The following CDK18 variants were observed in gnomAD, a reference collection of about 807,000 sequenced individuals.
The protein encoded by CDK18 is cyclin-dependent kinase 18.
Under a neutral mutation model 62.0 loss-of-function variants are expected in CDK18, and 52 were observed. The observed-to-expected ratio is 0.84, with a 90% CI of 0.67 to 1.06. CDK18 has a LOEUF of 1.06. Ranked by LOEUF, CDK18 falls within the 50% of genes least tolerant of loss-of-function variation. The pLI is 0.00. For missense variants in CDK18, 604 were observed against 619.9 expected, an observed-to-expected ratio of 0.97 and a Z score of 0.27; for synonymous variants, 237 against 247.0, an observed-to-expected ratio of 0.96 and a Z score of 0.38.
rs1667908800 is a variant in CDK18 at position 205,517,964 on chromosome 1, T to A, written c.-21-5183T>A. Among the ~76,000 whole-genome samples, 1 of 152,160 alleles carries A rather than the reference T, an allele frequency of 6.6e-6. No individual in the cohort carries two copies. The highest frequency in any genetic ancestry group is 2.4e-5 in the African/African-American group (1 of 41,440). On this transcript the variant is annotated intron_variant, in intron 1 of 15. Transcript: ENST00000429964. The surrounding 1 kb of genome is among the most constrained non-coding windows in gnomAD (Gnocchi z 4.1). The stretch of plus-strand genomic sequence containing the variant: ...AGCTGCTCCGCACTCCCATCCAGCA[T>A]CTTCTCCAGCCACATCATTGTCCTG...
chr1:205,522,425 G>A (rs1158810182), intron 1 of CDK18: 1 of 152,170 alleles, frequency 6.6e-6, no homozygotes, highest in Non-Finnish European at 1.5e-5. Flanking sequence ...TGTTTCCCCT[G>A]AGACCTTCCA....
Position 205,519,221 on chromosome 1 carries a change from G to A in CDK18, c.-21-3926G>A, listed in dbSNP as rs565987327. 4.6e-5 allele frequency among the ~76,000 whole-genome samples: 7 copies of A among 152,070 alleles called. No individual in the cohort carries two copies. The South Asian group carries it at 6.2e-4, about 14-fold the overall frequency. On this transcript the variant is annotated intron_variant, in intron 1 of 15. Coordinates refer to ENST00000429964, the MANE Select transcript of CDK18 (RefSeq NM_212502.3). ...CTTTTTCCTGTCTCCCTTCCCCCTCGACCCCCAAATCTGAGGAGCTGACTC... is the reference window on the plus strand; with the variant it reads ...CTTTTTCCTGTCTCCCTTCCCCCTCAACCCCCAAATCTGAGGAGCTGACTC...
At chr1:205,509,937 AGGCATGGT>A in intron 1 of CDK18, among the ~76,000 whole-genome samples, 1 of 152,098 alleles carries the variant, frequency 6.6e-6, no homozygotes. Context: ...AAAATTAGCC[AGGCATGGT>A]GGCAGGCACC....
chr1:205,525,952 G>A, intron 5 of CDK18, 113 bp from the exon 6 acceptor site: 1 of 687,252 alleles, frequency 1.5e-6, no homozygotes, highest in South Asian at 1.8e-5. Flanking sequence ...GTAAAGGGAG[G>A]AAGGGCACTC....
At chr1:205,509,771 A>C (rs146762955) in intron 1 of CDK18, among the ~76,000 whole-genome samples, 393 of 152,246 alleles carry the variant, frequency 2.6e-3, no homozygotes, top group Non-Finnish European at 4.5e-3. Context: ...CAAATTGGGA[A>C]GAGAACTCTA....
intron 7 of CDK18, 28 bp from the exon 8 acceptor site, chr1:205,526,747 C>A: frequency 3.1e-6 from 5 of 1,602,300 alleles, no homozygotes; most frequent in Non-Finnish European, 8.6e-7. Flanking sequence ...CAGCGTGGGG[C>A]AGGACTGAGC....
chr1:205,505,068 G>A (rs1310113937), intron 1 of CDK18, among the ~76,000 whole-genome samples: 3 of 152,100 alleles, frequency 2.0e-5, no homozygotes, highest in Non-Finnish European at 2.9e-5. Flanking sequence ...TGAGAGGGAG[G>A]GTTATTTTGC....
chr1:205,522,972 G>T (rs1051636845), intron 1 of CDK18, 175 bp from the exon 2 acceptor site: 1 of 624,734 alleles, frequency 1.6e-6, no homozygotes, highest in Non-Finnish European at 2.7e-6. Context: ...GGAAGAAGAG[G>T]GTGAACACCC....
chr1:205,508,506 C>T (rs1667416678), intron 1 of CDK18, among the ~76,000 whole-genome samples: 2 of 152,238 alleles, frequency 1.3e-5, no homozygotes, highest in Admixed American at 1.3e-4. Flanking sequence ...CGCCAGACCT[C>T]CTGTCTGAAA....
chr1:205,519,103 T>A (rs1667983683), intron 1 of CDK18, among the ~76,000 whole-genome samples: 1 of 152,222 alleles, frequency 6.6e-6, no homozygotes, highest in Non-Finnish European at 1.5e-5. Flanking sequence ...AAGGCTGTGC[T>A]GTGCCTGGCC....
At chr1:205,519,645 A>AGC (rs1668015411) in intron 1 of CDK18, among the ~76,000 whole-genome samples, 1 of 152,122 alleles carries the variant, frequency 6.6e-6, no homozygotes, top group African/African-American at 2.4e-5. Context: ...TGCTCCAGTC[A>AGC]GCTGCCTCTG....
chr1:205,507,092 A>G (rs1441661449), intron 1 of CDK18, among the ~76,000 whole-genome samples: 1 of 152,182 alleles, frequency 6.6e-6, no homozygotes, highest in Non-Finnish European at 1.5e-5. Flanking sequence ...ACCCTAACCA[A>G]GCCTCTACTT....
chr1:205,521,314 C>G (rs1463279962), intron 1 of CDK18, among the ~76,000 whole-genome samples: 1 of 152,246 alleles, frequency 6.6e-6, no homozygotes, highest in African/African-American at 2.4e-5. Flanking sequence ...AGGGTTCAAG[C>G]AATCCTCCTG....
In CDK18 at chr1:205,526,320, G is replaced by A. The variant is rs761068085; in HGVS notation, c.572-47G>A. Reference sequence around the variant, plus strand: ...GCTGACCCCAAGAAAAGAGGGTATGGGGACACATGGGGTCCTAGGGACCCA... The same window carrying A: ...GCTGACCCCAAGAAAAGAGGGTATGAGGACACATGGGGTCCTAGGGACCCA... On this transcript the variant is annotated intron_variant, in intron 6 of 15. Transcript: ENST00000429964. 8 of 1,520,464 alleles carry A rather than the reference G, an allele frequency of 5.3e-6. No individual in the cohort carries two copies. The East Asian group carries it at 1.8e-4, about 34-fold the overall frequency. The allele number at this position is 1,520,464 out of a possible 1,614,324, so 94.2% of individuals were successfully genotyped here.
In CDK18 at chr1:205,529,116, G is replaced by C. The variant is rs1232236309; in HGVS notation, c.1072+20G>C. The C allele has an allele frequency of 1.3e-6, 2 of 1,552,204 alleles. No homozygotes were observed. Among genetic ancestry groups the C allele is most frequent in the Non-Finnish European group, 1.7e-6 (2 of 1,143,404 alleles). ...TCCTCGGTCAGTCTCCCGCTGCTCC[G>C]TCCCTCTCACCACCAGGGGGCGCCG... On this transcript the variant is annotated intron_variant, in intron 11 of 15. Coordinates refer to ENST00000429964, the MANE Select transcript of CDK18 (RefSeq NM_212502.3).
rs1668559118 is a variant in CDK18 at position 205,528,535 on chromosome 1, G to C, written c.974+367G>C. ...ACTATTTTTATGTTAAAATGAACAAGTGTATGATTTGGTGTAAAATGAAAA... is the reference window on the plus strand; with the variant it reads ...ACTATTTTTATGTTAAAATGAACAACTGTATGATTTGGTGTAAAATGAAAA... On this transcript the variant is annotated intron_variant, in intron 10 of 15. Transcript: ENST00000429964. This position sits in a 1 kb window ranked among gnomAD's most constrained non-coding sequence, Gnocchi z 4.2. 4.0e-6 allele frequency: 1 copy of C among 248,904 alleles called. No individual in the cohort carries two copies. The highest frequency in any genetic ancestry group is 4.9e-5 in the Admixed American group (1 of 20,238). The allele number at this position is 248,904 out of a possible 1,614,324, so 15.4% of individuals were successfully genotyped here. A position where few individuals can be genotyped will look rare whatever the true frequency, so the allele number is the denominator to read the frequency against.
Position 205,527,628 on chromosome 1 carries a change from A to C in CDK18, c.730-166A>C. On this transcript the variant is annotated intron_variant, in intron 8 of 15. Coordinates refer to ENST00000429964, the MANE Select transcript of CDK18 (RefSeq NM_212502.3). The surrounding 1 kb of genome is among the most constrained non-coding windows in gnomAD (Gnocchi z 4.1). Reference sequence around the variant, plus strand: ...CCTGCTGTCCTCCCCTCTGGATGGGATTCCCTGGTGTGGGTGGGGTCCAGG... The same window carrying C: ...CCTGCTGTCCTCCCCTCTGGATGGGCTTCCCTGGTGTGGGTGGGGTCCAGG... The C allele has an allele frequency of 1.5e-6, 1 of 674,656 alleles. No individual in the cohort carries two copies. Among genetic ancestry groups the C allele is most frequent in the South Asian group, 1.8e-5 (1 of 54,230 alleles). The allele number at this position is 674,656 out of a possible 1,614,324, so 41.8% of individuals were successfully genotyped here.
rs1247227224 is a variant in CDK18, at chr1:205,528,042, C to T, written c.854-6C>T. Reference sequence around the variant, plus strand: ...GACAGAGGTCCAGTGACATGTCTGCCCCCAGGACTGGCCAGGGCCAAGTCA... The same window carrying T: ...GACAGAGGTCCAGTGACATGTCTGCTCCCAGGACTGGCCAGGGCCAAGTCA... On this transcript the variant is annotated splice_region_variant and splice_polypyrimidine_tract_variant and intron_variant, in intron 9 of 15. Transcript: ENST00000429964. This position sits in a 1 kb window ranked among gnomAD's most constrained non-coding sequence, Gnocchi z 4.2. 2 of 1,614,140 alleles carry T rather than the reference C, an allele frequency of 1.2e-6. No individual in the cohort carries two copies. The highest frequency in any genetic ancestry group is 2.2e-5 in the East Asian group (1 of 44,886).
chr1:205,526,662 C>T, intron 7 of CDK18, 113 bp from the exon 8 acceptor site: 1 of 1,093,322 alleles, frequency 9.1e-7, no homozygotes, highest in East Asian at 2.4e-5. Context: ...GGGACCTGTC[C>T]CACTAGTGGG....
Sources: allele counts gnomAD v4.1 joint callset (sites outside exome capture counted in the v4.1 genomes callset), GRCh38; gene constraint gnomAD v4.1.1; non-coding constraint Gnocchi (gnomAD v3.1); transcripts MANE v1.5; gene names NCBI Gene and HGNC (gene_info 2026-07-23, HGNC 2026-07-21).